TLK1: variants seen among roughly 807,000 people sequenced by gnomAD.
The protein encoded by TLK1 is tousled like kinase 1.
TLK1 carries 24 observed loss-of-function variants against 105.3 expected under a neutral mutation model. That is an observed-to-expected ratio of 0.23 (90% CI 0.17 to 0.32). TLK1 has a LOEUF of 0.32. TLK1 is among the 10% of genes least tolerant of loss of function. TLK1 has a pLI of 1.00. For missense variants in TLK1, 558 were observed against 910.5 expected (o/e 0.61, Z 4.98); for synonymous variants, 321 against 310.4 (o/e 1.03, Z -0.36).
At chr2:171,059,800 A>T in intron 4 of TLK1, 1 of 687,340 alleles carries the variant, frequency 1.5e-6, no homozygotes, top group Non-Finnish European at 2.6e-6. Context: ...AAGGGAGTGC[A>T]TAACCTGGAT....
At chr2:171,045,228 CTTTTTTTTTT>C (rs61376835) in intron 11 of TLK1, 1 of 114,322 alleles carries the variant, frequency 8.7e-6, no homozygotes, top group Non-Finnish European at 1.8e-5. Flanking sequence ...TGTATTTTCT[CTTTTTTTTTT>C]TTTTTTTTTT....
intron 2 of TLK1, among the ~76,000 whole-genome samples, chr2:171,099,701 A>G (rs1183142304): frequency 6.6e-6 from 1 of 152,210 alleles, no homozygotes; most frequent in Non-Finnish European, 1.5e-5. Flanking sequence ...ATAAACCCAT[A>G]TATTTACAAT....
intron 2 of TLK1, among the ~76,000 whole-genome samples, chr2:171,115,621 T>C (rs1260237106): frequency 6.6e-6 from 1 of 152,182 alleles, no homozygotes; most frequent in Admixed American, 6.5e-5. Flanking sequence ...TTACAATTAT[T>C]AGATGAATCA....
At chr2:171,149,099 C>CTTTTTTTTTTTTTTTTT (rs11335300) in intron 1 of TLK1, among the ~76,000 whole-genome samples, 1 of 57,894 alleles carries the variant, frequency 1.7e-5, no homozygotes, top group Non-Finnish European at 3.1e-5. Flanking sequence ...AATTACTTTT[C>CTTTTTTTTTTTTTTTTT]TTTTTTTTTT....
At chr2:171,133,460 T>A (rs939203206) in intron 1 of TLK1, among the ~76,000 whole-genome samples, 1 of 151,994 alleles carries the variant, frequency 6.6e-6, no homozygotes, top group Non-Finnish European at 1.5e-5. Context: ...TTAGCCGGGC[T>A]TGGTGGCAGG....
chr2:171,001,120 A>G (rs1308219538), intron 18 of TLK1, among the ~76,000 whole-genome samples: 1 of 152,200 alleles, frequency 6.6e-6, no homozygotes, highest in Non-Finnish European at 1.5e-5. Flanking sequence ...TCTTGCAGCA[A>G]TGTACTCTTT....
At chr2:171,101,885 G>A (rs536806626) in intron 2 of TLK1, among the ~76,000 whole-genome samples, 1 of 152,256 alleles carries the variant, frequency 6.6e-6, no homozygotes, top group African/African-American at 2.4e-5. Context: ...ATTACAGAAA[G>A]ATAATTTCTC....
chr2:171,183,093 T>C (rs1342585681), intron 1 of TLK1, among the ~76,000 whole-genome samples: 1 of 152,116 alleles, frequency 6.6e-6, no homozygotes, highest in African/African-American at 2.4e-5. Flanking sequence ...TGTCTGAAAA[T>C]GAAGTTTAAA....
At chr2:171,148,910 T>C (rs201866856) in intron 1 of TLK1, among the ~76,000 whole-genome samples, 4,955 of 142,722 alleles carry the variant, frequency 0.035, 354 homozygotes, top group East Asian at 0.28. Flanking sequence ...TATATATATA[T>C]ATGTGTGTGT....
At chr2:171,055,009 A>T in intron 7 of TLK1, 74 bp downstream of exon 7, 1 of 789,588 alleles carries the variant, frequency 1.3e-6, no homozygotes, top group Non-Finnish European at 1.9e-6. Flanking sequence ...AAACAAACAG[A>T]CATCTTAGTT....
chr2:171,202,345 G>A (rs1238607366), intron 1 of TLK1, among the ~76,000 whole-genome samples: 1 of 152,080 alleles, frequency 6.6e-6, no homozygotes, highest in Non-Finnish European at 1.5e-5. Flanking sequence ...CCAGCTACTC[G>A]GGAGGCTGAG....
intron 1 of TLK1, among the ~76,000 whole-genome samples, chr2:171,177,973 T>C (rs551272808): frequency 2.0e-5 from 3 of 152,160 alleles, no homozygotes; most frequent in Non-Finnish European, 4.4e-5. Context: ...TTGTATTTTT[T>C]AGTAGAGACG....
intron 2 of TLK1, among the ~76,000 whole-genome samples, chr2:171,104,786 G>C (rs1689844389): frequency 6.6e-6 from 1 of 152,074 alleles, no homozygotes; most frequent in African/African-American, 2.4e-5. Flanking sequence ...TTCTTTTTCT[G>C]CTAGTTCATT....
intron 1 of TLK1, among the ~76,000 whole-genome samples, chr2:171,129,944 TCAA>T (rs1691033043): frequency 1.3e-5 from 2 of 152,182 alleles, no homozygotes; most frequent in South Asian, 4.1e-4. Flanking sequence ...TATTATTTCA[TCAA>T]CATCATCTTT....
At chr2:171,070,988 CATT>C (rs1478038930) in intron 3 of TLK1, among the ~76,000 whole-genome samples, 1 of 152,170 alleles carries the variant, frequency 6.6e-6, no homozygotes, top group African/African-American at 2.4e-5. Context: ...GATGATATCT[CATT>C]GTAATTTTGA....
At chr2:171,199,400 C>T (rs954045439) in intron 1 of TLK1, among the ~76,000 whole-genome samples, 2 of 152,192 alleles carry the variant, frequency 1.3e-5, no homozygotes, top group Non-Finnish European at 2.9e-5. Context: ...AATCCCAGCA[C>T]TTTTGGGGAA....
At chr2:171,047,012 A>G (rs1686994086) in intron 10 of TLK1, among the ~76,000 whole-genome samples, 2 of 152,218 alleles carry the variant, frequency 1.3e-5, no homozygotes, top group Admixed American at 1.3e-4. Context: ...TAAGAAATTT[A>G]TGAGAAAAAT....
At chr2:171,054,970 T>A (rs1687425126) in intron 7 of TLK1, 113 bp downstream of exon 7, 1 of 509,148 alleles carries the variant, frequency 2.0e-6, no homozygotes, top group Non-Finnish European at 3.2e-6. Context: ...TCTTTCTTGA[T>A]GTGTAATTCT....
intron 6 of TLK1, 52 bp from the exon 7 acceptor site, chr2:171,055,224 CAAA>C (rs1687444712): frequency 2.5e-5 from 18 of 733,708 alleles, no homozygotes; most frequent in African/African-American, 2.4e-4. Flanking sequence ...AAAAAAAACA[CAAA>C]ACAAAACAGA....
Sources: allele counts gnomAD v4.1 joint callset (sites outside exome capture counted in the v4.1 genomes callset), GRCh38; gene constraint gnomAD v4.1.1; transcripts MANE v1.5; gene names NCBI Gene and HGNC (gene_info 2026-07-23, HGNC 2026-07-21).